Variants in COMMD1 observed in about 807,000 individuals in gnomAD.
COMMD1 encodes COMM domain-containing protein 1.
A neutral mutation model predicts 17.2 loss-of-function variants in COMMD1; 10 were observed. The observed-to-expected ratio is 0.58, with a 90% confidence interval of 0.36 to 0.99. The LOEUF is 0.99. COMMD1 is among the 50% of genes least tolerant of loss of function. COMMD1 has a pLI of 0.01. For missense variants in COMMD1, 270 were observed against 231.8 expected (o/e 1.17, Z -1.07); for synonymous variants, 97 against 91.6 (o/e 1.06, Z -0.34).
chr2:62,019,101 T>C (rs1385405448), intron 2 of COMMD1, among the ~76,000 whole-genome samples: 31 of 88,322 alleles, frequency 3.5e-4, no homozygotes, highest in African/African-American at 1.3e-3. Context: ...TCTCTCTCTC[T>C]TCCCTCCCTC....
chr2:61,963,226 T>C (rs200507457), intron 1 of COMMD1, among the ~76,000 whole-genome samples: 23 of 135,448 alleles, frequency 1.7e-4, no homozygotes, highest in African/African-American at 3.5e-4. Context: ...CACACATATA[T>C]ACATATATAC....
intron 2 of COMMD1, among the ~76,000 whole-genome samples, chr2:62,027,707 T>C (rs1455894525): frequency 1.3e-5 from 2 of 152,124 alleles, no homozygotes; most frequent in South Asian, 2.1e-4. Context: ...AAGGTCTCGC[T>C]CTGTCACCCA....
At chr2:61,952,484 A>AG in intron 1 of COMMD1, among the ~76,000 whole-genome samples, 1 of 152,242 alleles carries the variant, frequency 6.6e-6, no homozygotes, top group Admixed American at 6.5e-5. Context: ...ATCCCCACCC[A>AG]GAACCATGAC....
At chr2:61,965,595 T>C (rs1343591356) in intron 1 of COMMD1, among the ~76,000 whole-genome samples, 2 of 152,298 alleles carry the variant, frequency 1.3e-5, no homozygotes, top group East Asian at 3.9e-4. Context: ...CTGTATGAAA[T>C]CTTGTACATG....
intron 1 of COMMD1, among the ~76,000 whole-genome samples, chr2:61,966,170 C>CT (rs956925097): frequency 5.9e-5 from 9 of 151,978 alleles, no homozygotes; most frequent in East Asian, 1.9e-4. Flanking sequence ...ACTGTGTACT[C>CT]TTTTTTTTCC....
chr2:61,937,238 C>T (rs1558527570), intron 1 of COMMD1, among the ~76,000 whole-genome samples: 1 of 152,120 alleles, frequency 6.6e-6, no homozygotes, highest in Non-Finnish European at 1.5e-5. Flanking sequence ...GATGATTACC[C>T]CCACTTCACT....
At chr2:61,953,006 T>C (rs1335463305) in intron 1 of COMMD1, among the ~76,000 whole-genome samples, 1 of 152,180 alleles carries the variant, frequency 6.6e-6, no homozygotes, top group Non-Finnish European at 1.5e-5. Context: ...TTGAAAAATA[T>C]TGAGGTTAGT....
chr2:62,106,567 CACTCTA>C (rs1414748326), intron 2 of COMMD1, among the ~76,000 whole-genome samples: 2 of 152,208 alleles, frequency 1.3e-5, no homozygotes, highest in Non-Finnish European at 2.9e-5. Flanking sequence ...GACCTATCCA[CACTCTA>C]AACAAGTATT....
chr2:61,894,812 C>A (rs1182563024), intron 1 of COMMD1, among the ~76,000 whole-genome samples: 4 of 151,890 alleles, frequency 2.6e-5, no homozygotes, highest in African/African-American at 4.8e-5. Context: ...CAGTTCTCTG[C>A]CTCAGACTCC....
rs374548457 is a variant in COMMD1, at chr2:62,083,118, G to A, written c.463-52713G>A. On this transcript the variant is annotated intron_variant, in intron 2 of 2. Coordinates refer to ENST00000311832, the MANE Select transcript of COMMD1 (RefSeq NM_152516.4). ...TACAAAAAATTTAAAAATTAGCTAG[G>A]TGTGCTGGCACATGCCAGTAGTCCC... 3.3e-4 allele frequency among the ~76,000 whole-genome samples: 50 copies of A among 152,264 alleles called. No individual in the cohort carries two copies. The South Asian group carries it at 9.1e-3, about 28-fold the overall frequency.
At chr2:61,991,467 C>A (rs866126328) in intron 1 of COMMD1, among the ~76,000 whole-genome samples, 1 of 152,066 alleles carries the variant, frequency 6.6e-6, no homozygotes, top group South Asian at 2.1e-4. Flanking sequence ...ATACATAGAC[C>A]CTGCTCTCAA....
At chr2:61,910,726 C>T (rs1160340506) in intron 1 of COMMD1, among the ~76,000 whole-genome samples, 1 of 152,064 alleles carries the variant, frequency 6.6e-6, no homozygotes, top group Admixed American at 6.6e-5. Context: ...CTTTTGTATA[C>T]CTTAGTCTGT....
At chr2:62,007,742 C>CT (rs1417115423) in intron 2 of COMMD1, among the ~76,000 whole-genome samples, 1 of 152,176 alleles carries the variant, frequency 6.6e-6, no homozygotes, top group African/African-American at 2.4e-5. Context: ...TAAGTACACT[C>CT]TATCATGTTC....
chr2:61,899,479 T>A (rs1047403380), intron 1 of COMMD1, among the ~76,000 whole-genome samples: 8 of 152,220 alleles, frequency 5.3e-5, no homozygotes, highest in Admixed American at 1.3e-4. Context: ...ATGTCATACA[T>A]TATATTAAAT....
chr2:62,036,629 T>G (rs944960181), intron 2 of COMMD1, among the ~76,000 whole-genome samples: 8 of 152,208 alleles, frequency 5.3e-5, no homozygotes, highest in African/African-American at 1.9e-4. Context: ...TTTTGTTTTG[T>G]TTGTTGTTGT....
chr2:61,933,251 A>G (rs887137713), intron 1 of COMMD1, among the ~76,000 whole-genome samples: 18 of 151,726 alleles, frequency 1.2e-4, no homozygotes, highest in African/African-American at 4.4e-4. Context: ...AGCCGCTTGT[A>G]TCCACATTGC....
At chr2:62,080,116 C>T (rs1018487040) in intron 2 of COMMD1, among the ~76,000 whole-genome samples, 6 of 152,062 alleles carry the variant, frequency 3.9e-5, no homozygotes, top group African/African-American at 1.2e-4. Context: ...ATCATATAAA[C>T]AATATGCTTC....
chr2:62,043,747 G>C (rs1311445133), intron 2 of COMMD1, among the ~76,000 whole-genome samples: 3 of 152,168 alleles, frequency 2.0e-5, no homozygotes, highest in African/African-American at 4.8e-5. Context: ...TCTGAGAGAG[G>C]ATCTTGTATA....
intron 1 of COMMD1, among the ~76,000 whole-genome samples, chr2:61,941,122 G>A (rs1670737167): frequency 1.3e-5 from 2 of 151,904 alleles, no homozygotes; most frequent in South Asian, 4.2e-4. Context: ...CCGACTCCCG[G>A]GTTCAAGCAA....
Sources: gnomAD v4.1 joint callset for allele counts (sites outside exome capture counted in the v4.1 genomes callset) on GRCh38, gnomAD v4.1.1 for gene constraint, MANE v1.5 for transcripts, NCBI Gene and HGNC (gene_info 2026-07-23, HGNC 2026-07-21) for gene names.